CAMK2A: variants seen among roughly 807,000 people sequenced by gnomAD.
The protein encoded by CAMK2A is calcium/calmodulin dependent protein kinase II alpha, also known as calcium/calmodulin-dependent protein kinase type II subunit alpha.
Under a neutral mutation model 79.2 loss-of-function variants are expected in CAMK2A, and 7 were observed. The ratio of observed to expected loss-of-function variants is 0.09; its 90% CI spans 0.05 to 0.17. The LOEUF is 0.17. Ranked by LOEUF, CAMK2A falls within the 10% of genes least tolerant of loss-of-function variation. CAMK2A has a pLI of 1.00. For missense variants in CAMK2A, 214 were observed against 646.4 expected (o/e 0.33, Z 7.25); for synonymous variants, 242 against 251.7 (o/e 0.96, Z 0.36).
chr5:150,272,676 C>A (rs1032325010), intron 2 of CAMK2A, among the ~76,000 whole-genome samples: 1 of 151,828 alleles, frequency 6.6e-6, no homozygotes. Flanking sequence ...CAGCTGAGAC[C>A]TGAAGGCTGA....
rs1167607159 is a variant in CAMK2A, at chr5:150,273,915, G to A, written c.63-756C>T. 2.6e-5 allele frequency among the ~76,000 whole-genome samples: 4 copies of A among 152,188 alleles called. No individual in the cohort carries two copies. In the East Asian group the frequency reaches 7.7e-4, roughly 29 times the overall value. On this transcript the variant is annotated intron_variant, in intron 1 of 18. Transcript: ENST00000671881. ...CATTAGAATTATATCTCCTATGTAT[G>A]CATGTGTCTGTGTGGGATACATTTC... is the stretch of plus-strand genomic sequence containing the variant.
At chr5:150,244,439 G>A (rs148554073) in intron 13 of CAMK2A, among the ~76,000 whole-genome samples, 1 of 152,268 alleles carries the variant, frequency 6.6e-6, no homozygotes, top group Non-Finnish European at 1.5e-5. Context: ...CCAGAAAAAG[G>A]CAGGGTCTCA....
At chr5:150,255,805 G>A (rs561770429) in intron 6 of CAMK2A, among the ~76,000 whole-genome samples, 1 of 152,350 alleles carries the variant, frequency 6.6e-6, no homozygotes, top group South Asian at 2.1e-4. Flanking sequence ...GGGGTTAGAA[G>A]GCCAGAATTC....
intron 15 of CAMK2A, among the ~76,000 whole-genome samples, chr5:150,234,240 G>A (rs1369493827): frequency 6.6e-6 from 1 of 152,108 alleles, no homozygotes; most frequent in Non-Finnish European, 1.5e-5. Flanking sequence ...GACCCTTCTG[G>A]CTCACCGTTC....
chr5:150,238,948 T>G (rs1580907922), intron 14 of CAMK2A, among the ~76,000 whole-genome samples, 200 bp from the exon 15 acceptor site: 1 of 150,942 alleles, frequency 6.6e-6, no homozygotes. Flanking sequence ...AGGGGCCGGG[T>G]GGGGGAAAGG....
intron 11 of CAMK2A, 106 bp downstream of exon 11, chr5:150,250,120 T>C (rs4958452): frequency 0.45 from 373,599 of 833,728 alleles, 85,934 homozygotes; most frequent in East Asian, 0.62. Context: ...TAAATGCTTA[T>C]TGAATCAATG....
intron 15 of CAMK2A, among the ~76,000 whole-genome samples, chr5:150,233,781 TTTTG>T (rs1329759842): frequency 1.3e-5 from 2 of 152,080 alleles, no homozygotes; most frequent in Non-Finnish European, 1.5e-5. Context: ...CAGTCACCTC[TTTTG>T]TTTGTTTGTG....
At chr5:150,238,841 T>TGG (rs1755211894) in intron 14 of CAMK2A, 93 bp from the exon 15 acceptor site, 1 of 1,089,926 alleles carries the variant, frequency 9.2e-7, no homozygotes, top group African/African-American at 1.6e-5. Flanking sequence ...GGCTGGTTTC[T>TGG]GTGAGCCTCA....
intron 6 of CAMK2A, among the ~76,000 whole-genome samples, chr5:150,254,772 C>A (rs1303588661): frequency 6.6e-6 from 1 of 152,194 alleles, no homozygotes; most frequent in East Asian, 1.9e-4. Context: ...TTAGTTTCCT[C>A]TGAGAAAAAT....
rs181278514 is a variant in CAMK2A, at chr5:150,233,915, C to T, written c.1067-2535G>A. Among the ~76,000 whole-genome samples the T allele has an allele frequency of 1.4e-4, 21 of 152,262 alleles. No homozygotes were observed. In the East Asian group the frequency reaches 3.5e-3, roughly 25 times the overall value. Reference sequence around the variant, plus strand: ...GCAACCTCCCCCTCGTGGGTTCAAGCGATTCTCCTGCCTCAGCCTCCTGAG... The same window carrying T: ...GCAACCTCCCCCTCGTGGGTTCAAGTGATTCTCCTGCCTCAGCCTCCTGAG... On this transcript the variant is annotated intron_variant, in intron 15 of 18. Coordinates refer to ENST00000671881, the MANE Select transcript of CAMK2A (RefSeq NM_015981.4).
chr5:150,264,915 G>A (rs912043455), intron 3 of CAMK2A, 41 bp downstream of exon 3: 1 of 1,563,998 alleles, frequency 6.4e-7, no homozygotes, highest in Non-Finnish European at 8.8e-7. Flanking sequence ...AGGGGAGCAG[G>A]GCCTGGCTCC....
rs776217899 is a variant in CAMK2A, at chr5:150,264,993, T to C, written c.180A>G (p.Glu60=). The C allele has an allele frequency of 3.1e-6, 5 of 1,613,866 alleles. No individual in the cohort carries two copies. In the South Asian group the frequency reaches 5.5e-5, roughly 18 times the overall value. Residue 60 remains glutamate, a synonymous_variant, in exon 3 of 19, where the codon GAA becomes GAG. Transcript: ENST00000671881. The stretch of plus-strand genomic sequence containing the variant: ...GCTTCAGCAGGCGGCAGATGCGGGC[T>C]TCACGCTCCAGCTTCTGATGGTCTG... ...SARDHQKLER[E]ARICRLLKHP...
At chr5:150,240,452 C>A (rs1403216794) in intron 13 of CAMK2A, among the ~76,000 whole-genome samples, 3 of 152,306 alleles carry the variant, frequency 2.0e-5, no homozygotes, top group Middle Eastern at 6.8e-3. Flanking sequence ...GAGGCTCAGC[C>A]AGAAGTGGAG....
intron 15 of CAMK2A, 68 bp downstream of exon 15, chr5:150,238,632 A>C (rs1397881553): frequency 1.4e-6 from 2 of 1,454,494 alleles, no homozygotes; most frequent in Admixed American, 3.9e-5. Flanking sequence ...AGCTGTCAGG[A>C]AAAAGAGGTC....
chr5:150,225,053 AGAGAGAGAGAGAGAGAGAGAAAGT>A (rs912082935), intron 17 of CAMK2A, among the ~76,000 whole-genome samples: 4 of 151,112 alleles, frequency 2.6e-5, no homozygotes, highest in South Asian at 4.2e-4. Flanking sequence ...AGAGAGAGAG[AGAGAGAGAGAGAGAGAGAGAAAGT>A]GAGAGAGAGA....
At chr5:150,232,459 T>A (rs1392104794) in intron 15 of CAMK2A, among the ~76,000 whole-genome samples, 1 of 152,206 alleles carries the variant, frequency 6.6e-6, no homozygotes, top group Non-Finnish European at 1.5e-5. Context: ...TTCCTCCCAA[T>A]TCACATACAA....
intron 2 of CAMK2A, among the ~76,000 whole-genome samples, chr5:150,272,378 A>G (rs571986904): frequency 1.3e-5 from 2 of 152,326 alleles, no homozygotes; most frequent in South Asian, 4.1e-4. Flanking sequence ...CAGCCTGGCC[A>G]ACATGGTGAA....
Position 150,256,723 on chromosome 5 carries a change from C to T in CAMK2A, c.338+43G>A. Reference sequence around the variant, plus strand: ...GGGAAGCTGACAGCAGGCAAGAGTGCCCTGTCCCCGGGTGCCATTGCCAGG... The same window carrying T: ...GGGAAGCTGACAGCAGGCAAGAGTGTCCTGTCCCCGGGTGCCATTGCCAGG... On this transcript the variant is annotated intron_variant, in intron 5 of 18. Transcript: ENST00000671881. The surrounding 1 kb of genome is among the most constrained non-coding windows in gnomAD (Gnocchi z 4.6). 6.2e-7 allele frequency: 1 copy of T among 1,608,420 alleles called. No individual in the cohort carries two copies. The highest frequency in any genetic ancestry group is 8.5e-7 in the Non-Finnish European group (1 of 1,174,954).
chr5:150,281,637 A>G (rs532853955), intron 1 of CAMK2A, among the ~76,000 whole-genome samples: 1 of 152,302 alleles, frequency 6.6e-6, no homozygotes, highest in Non-Finnish European at 1.5e-5. Context: ...AGGGGGTCCG[A>G]CCTTGAGGTC....
Sources: allele counts gnomAD v4.1 joint callset (sites outside exome capture counted in the v4.1 genomes callset), GRCh38; gene constraint gnomAD v4.1.1; non-coding constraint Gnocchi (gnomAD v3.1); transcripts MANE v1.5; gene names NCBI Gene and HGNC (gene_info 2026-07-23, HGNC 2026-07-21).